The following SLC8A1 variants were observed in gnomAD, a reference collection of about 807,000 sequenced individuals.
The protein encoded by SLC8A1 is sodium/calcium exchanger 1.
A neutral mutation model predicts 68.3 loss-of-function variants in SLC8A1; 18 were observed. The ratio of observed to expected loss-of-function variants is 0.26; its 90% CI spans 0.18 to 0.39. The LOEUF is 0.39. Among genes scored for constraint, SLC8A1 ranks in the 10% least tolerant of loss-of-function variants. The pLI, the probability that SLC8A1 is intolerant of heterozygous loss-of-function variation, is 1.00. For synonymous variants in SLC8A1, 475 were observed against 415.5 expected, an observed-to-expected ratio of 1.14 and a Z score of -1.74; for missense variants, 985 against 1,156.7, an observed-to-expected ratio of 0.85 and a Z score of 2.15.
rs1483311985 is a variant in SLC8A1, at chr2:40,234,787, T to A, written c.1809-56932A>T. 2.0e-5 allele frequency among the ~76,000 whole-genome samples: 3 copies of A among 152,134 alleles called. No homozygotes were observed. In the East Asian group the frequency reaches 5.8e-4, roughly 29 times the overall value. ...GAAATACGTCCCATCAATACCTAATTTATTGAGAGTTCTTAGCATGAAGGG... is the reference window on the plus strand; with the variant it reads ...GAAATACGTCCCATCAATACCTAATATATTGAGAGTTCTTAGCATGAAGGG... On this transcript the variant is annotated intron_variant, in intron 2 of 7. Coordinates refer to ENST00000406785, the Ensembl canonical transcript of SLC8A1.
intron 7 of SLC8A1, among the ~76,000 whole-genome samples, chr2:40,133,700 A>AAC (rs1371499650): frequency 2.8e-5 from 3 of 106,570 alleles, no homozygotes; most frequent in Admixed American, 8.8e-5. Context: ...TGGGGCAAAA[A>AAC]TCCCCCCCCC....
chr2:40,504,557 C>A (rs894583648), intron 1 of SLC8A1, among the ~76,000 whole-genome samples: 1 of 151,912 alleles, frequency 6.6e-6, no homozygotes, highest in African/African-American at 2.4e-5. Flanking sequence ...TGCAAATTAC[C>A]CATCTGACAA....
intron 1 of SLC8A1, among the ~76,000 whole-genome samples, chr2:40,485,886 A>G (rs1704936923): frequency 6.6e-6 from 1 of 152,192 alleles, no homozygotes; most frequent in South Asian, 2.1e-4. Context: ...GACACTCAAT[A>G]TTTGTTTAAA....
intron 2 of SLC8A1, among the ~76,000 whole-genome samples, chr2:40,329,654 G>A (rs987665939): frequency 6.6e-5 from 10 of 152,168 alleles, no homozygotes; most frequent in African/African-American, 2.4e-4. Flanking sequence ...TTGTCATGAC[G>A]AGTCCCTTAG....
At chr2:40,144,686 C>T (rs1253291577) in intron 6 of SLC8A1, among the ~76,000 whole-genome samples, 1 of 151,874 alleles carries the variant, frequency 6.6e-6, no homozygotes, top group Non-Finnish European at 1.5e-5. Context: ...GCCATAAGCT[C>T]TTTCTCAGAC....
chr2:40,245,188 G>A (rs944544139), intron 2 of SLC8A1, among the ~76,000 whole-genome samples: 2 of 116,668 alleles, frequency 1.7e-5, no homozygotes, highest in African/African-American at 7.5e-5. Flanking sequence ...TTATGGAAGT[G>A]GCACATAGGA....
intron 7 of SLC8A1, among the ~76,000 whole-genome samples, chr2:40,138,365 T>C (rs17025230): frequency 0.019 from 2,821 of 152,320 alleles, 78 homozygotes; most frequent in African/African-American, 0.064. Context: ...GTGGGAAATA[T>C]GGAAAGTGGA....
chr2:40,377,009 T>C (rs562279315), intron 2 of SLC8A1, among the ~76,000 whole-genome samples: 2 of 152,216 alleles, frequency 1.3e-5, no homozygotes, highest in South Asian at 2.1e-4. Flanking sequence ...TTCTTATGAA[T>C]AGAATATGGC....
intron 2 of SLC8A1, among the ~76,000 whole-genome samples, chr2:40,184,113 C>T (rs1231402537): frequency 6.6e-6 from 1 of 152,078 alleles, no homozygotes; most frequent in African/African-American, 2.4e-5. Context: ...GAAGTTGAGG[C>T]TGCAGTGAGA....
intron 1 of SLC8A1, among the ~76,000 whole-genome samples, chr2:40,490,395 G>C (rs187989821): frequency 4.1e-4 from 62 of 152,130 alleles, no homozygotes; most frequent in African/African-American, 1.4e-3. Context: ...TCATTTCACA[G>C]GCTATAATTG....
chr2:40,232,864 T>C (rs1240027132), intron 2 of SLC8A1, among the ~76,000 whole-genome samples: 108 of 146,374 alleles, frequency 7.4e-4, no homozygotes, highest in African/African-American at 2.7e-3. Context: ...TTTTTTGTTC[T>C]TGCGATAGTT....
At chr2:40,485,134 A>C (rs746254349) in intron 1 of SLC8A1, among the ~76,000 whole-genome samples, 7 of 152,120 alleles carry the variant, frequency 4.6e-5, no homozygotes, top group Non-Finnish European at 8.8e-5. Context: ...GGAGGAGTAG[A>C]AGCAGGCAGG....
At chr2:40,226,481 G>C (rs1348043917) in intron 2 of SLC8A1, among the ~76,000 whole-genome samples, 3 of 152,144 alleles carry the variant, frequency 2.0e-5, no homozygotes, top group Non-Finnish European at 4.4e-5. Context: ...AGAATGCCAA[G>C]GCACTTGAGA....
At chr2:40,244,467 C>A (rs2061590657) in intron 2 of SLC8A1, among the ~76,000 whole-genome samples, 3 of 151,020 alleles carry the variant, frequency 2.0e-5, no homozygotes, top group Admixed American at 2.0e-4. Context: ...GAAGACGTTA[C>A]TCTGATTTTT....
intron 1 of SLC8A1, among the ~76,000 whole-genome samples, chr2:40,470,963 A>G (rs1187691949): frequency 6.6e-6 from 1 of 152,212 alleles, no homozygotes; most frequent in Non-Finnish European, 1.5e-5. Context: ...CTCATGGTAC[A>G]GATTACAAAC....
At chr2:40,149,040 A>G (rs746776676) in intron 6 of SLC8A1, among the ~76,000 whole-genome samples, 4 of 152,190 alleles carry the variant, frequency 2.6e-5, no homozygotes, top group Admixed American at 6.5e-5. Context: ...CCTATTGTCA[A>G]TAAGTCAGTG....
At chr2:40,183,644 T>A (rs940625534) in intron 2 of SLC8A1, among the ~76,000 whole-genome samples, 7 of 152,164 alleles carry the variant, frequency 4.6e-5, no homozygotes, top group African/African-American at 1.7e-4. Flanking sequence ...ATGACTCTTA[T>A]GTATGCTGAA....
chr2:40,382,389 G>A (rs1338944410), intron 2 of SLC8A1, among the ~76,000 whole-genome samples: 1 of 130,664 alleles, frequency 7.7e-6, no homozygotes, highest in Non-Finnish European at 1.5e-5. Flanking sequence ...CATTTGCCAA[G>A]GGTTAGTATT....
At chr2:40,294,127 T>C (rs1462962167) in intron 2 of SLC8A1, among the ~76,000 whole-genome samples, 2 of 152,148 alleles carry the variant, frequency 1.3e-5, no homozygotes, top group African/African-American at 4.8e-5. Context: ...AGGAGACTAT[T>C]ATGTGTATTC....
Sources: gnomAD v4.1 joint callset for allele counts (sites outside exome capture counted in the v4.1 genomes callset) on GRCh38, gnomAD v4.1.1 for gene constraint, MANE v1.5 for transcripts, NCBI Gene and HGNC (gene_info 2026-07-23, HGNC 2026-07-21) for gene names.